The following BEGAIN variants were observed in gnomAD, a reference collection of about 807,000 sequenced individuals.
The protein encoded by BEGAIN is brain enriched guanylate kinase associated, also known as brain-enriched guanylate kinase-associated protein.
In BEGAIN, 19 loss-of-function variants were observed where a neutral mutation model predicts 35.8. The ratio of observed to expected loss-of-function variants is 0.53; its 90% CI spans 0.37 to 0.78. The LOEUF (loss-of-function observed/expected upper bound fraction) is 0.78. Among genes scored for constraint, BEGAIN ranks in the 30% least tolerant of loss-of-function variants. The pLI is 0.00. For missense variants in BEGAIN, 795 were observed against 853.6 expected, an observed-to-expected ratio of 0.93 and a Z score of 0.85; for synonymous variants, 462 against 388.6, an observed-to-expected ratio of 1.19 and a Z score of -2.22.
chr14:100,538,458 G>A lies in BEGAIN; in HGVS notation c.1350C>T (p.Tyr450=). 6.3e-7 allele frequency: 1 copy of A among 1,588,098 alleles called. No individual in the cohort carries two copies. The highest frequency in any genetic ancestry group is 8.6e-7 in the Non-Finnish European group (1 of 1,169,140). ...AGGCGCGGCCGGCAGCGCTCACGGG[G>A]TAGGAGTAGGCGCCGATGTCCTCCA... ...LSVEDIGAYS[Y]PVSAAGRASP... The change falls in exon 7 of 7, where the codon TAC becomes TAT. Residue 450 remains tyrosine (Y), a synonymous_variant. Coordinates refer to ENST00000554140, the MANE Select transcript of BEGAIN (RefSeq NM_001385089.1).
intron 2 of BEGAIN, among the ~76,000 whole-genome samples, chr14:100,555,219 G>A (rs1191609887): frequency 6.6e-6 from 1 of 152,246 alleles, no homozygotes; most frequent in Non-Finnish European, 1.5e-5. Flanking sequence ...CCCTGCAGAA[G>A]GCCTTGTGCC....
chr14:100,567,336 A>G lies in BEGAIN; in HGVS notation c.71+575T>C, dbSNP rs1228676720. Among the ~76,000 whole-genome samples the G allele has an allele frequency of 6.6e-6, 1 of 151,872 alleles. No individual in the cohort carries two copies. The highest frequency in any genetic ancestry group is 1.5e-5 in the Non-Finnish European group (1 of 67,944). On this transcript the variant is annotated intron_variant, in intron 2 of 6. Transcript: ENST00000554140. The surrounding 1 kb of genome is among the most constrained non-coding windows in gnomAD (Gnocchi z 5.1). ...CACCGGGAGGGAGGCCGCGGGGGACACTCCCCAGAAGCTGTCGCGGGATTC... is the reference window on the plus strand; with the variant it reads ...CACCGGGAGGGAGGCCGCGGGGGACGCTCCCCAGAAGCTGTCGCGGGATTC...
chr14:100,540,676 C>A, intron 5 of BEGAIN, 97 bp from the exon 6 acceptor site: 1 of 880,580 alleles, frequency 1.1e-6, no homozygotes, highest in Non-Finnish European at 1.8e-6. Flanking sequence ...GTGGTGTGCA[C>A]AGGGCCTGCT....
At chr14:100,576,423 A>C (rs1190032620) in intron 1 of BEGAIN, among the ~76,000 whole-genome samples, 4 of 152,180 alleles carry the variant, frequency 2.6e-5, no homozygotes, top group African/African-American at 9.7e-5. Context: ...TGGGGGTCAG[A>C]AGCTGAGAAC....
chr14:100,551,532 C>T (rs1052732210), intron 2 of BEGAIN, among the ~76,000 whole-genome samples: 4 of 152,214 alleles, frequency 2.6e-5, no homozygotes, highest in East Asian at 1.9e-4. Flanking sequence ...TAACTGCATA[C>T]GGACAGCCAC....
intron 2 of BEGAIN, among the ~76,000 whole-genome samples, chr14:100,560,915 A>G (rs1197321209): frequency 6.6e-6 from 1 of 152,174 alleles, no homozygotes; most frequent in Non-Finnish European, 1.5e-5. Context: ...GGGATGGAGC[A>G]TGAGGCCTCT....
chr14:100,538,563 G>A lies in BEGAIN; in HGVS notation c.1245C>T (p.Asn415=). 4 of 1,544,288 alleles carry A rather than the reference G, an allele frequency of 2.6e-6. No homozygotes were observed. Among genetic ancestry groups the A allele is most frequent in the Non-Finnish European group, 3.5e-6 (4 of 1,145,218 alleles). ...PGPQQALMPP[N]LWSLRAKPGT... ...CCGGCTTGGCCCGCAGGCTCCACAG[G>A]TTTGGGGGCATCAGGGCCTGCTGGG... is the stretch of plus-strand genomic sequence containing the variant. The change falls in exon 7 of 7, where the codon AAC becomes AAT. Residue 415 remains asparagine, a synonymous_variant. Coordinates refer to ENST00000554140, the MANE Select transcript of BEGAIN (RefSeq NM_001385089.1).
intron 1 of BEGAIN, among the ~76,000 whole-genome samples, chr14:100,579,466 G>A (rs1353891414): frequency 3.9e-5 from 6 of 152,194 alleles, no homozygotes; most frequent in African/African-American, 1.4e-4. Context: ...TCCTTCCTAG[G>A]ATGCGGCTTT....
intron 1 of BEGAIN, among the ~76,000 whole-genome samples, chr14:100,574,663 C>A (rs1047045423): frequency 1.3e-5 from 2 of 152,116 alleles, no homozygotes; most frequent in African/African-American, 2.4e-5. Flanking sequence ...CAACAGTCAG[C>A]GGGGCTGGGA....
chr14:100,563,294 C>T lies in BEGAIN; in HGVS notation c.71+4617G>A, dbSNP rs1402375479. On this transcript the variant is annotated intron_variant, in intron 2 of 6. Coordinates refer to ENST00000554140, the MANE Select transcript of BEGAIN (RefSeq NM_001385089.1). The surrounding 1 kb of genome is among the most constrained non-coding windows in gnomAD (Gnocchi z 4.2). ...CTTGACCTCTAACCACATGCAAACC[C>T]AAGTTCAAGTGGATGAAAAGCCAAT... 6.6e-6 allele frequency among the ~76,000 whole-genome samples: 1 copy of T among 152,208 alleles called. No individual in the cohort carries two copies. Among genetic ancestry groups the T allele is most frequent in the Non-Finnish European group, 1.5e-5 (1 of 68,032 alleles).
In BEGAIN at chr14:100,575,380, C is replaced by T. The variant is rs1478359894; in HGVS notation, c.43-7441G>A. Among the ~76,000 whole-genome samples, 11 of 152,142 alleles carry T rather than the reference C, an allele frequency of 7.2e-5. 1 individual carries two copies. The highest frequency in any genetic ancestry group is 5.9e-4 in the Admixed American group (9 of 15,274). On this transcript the variant is annotated intron_variant, in intron 1 of 6. Coordinates refer to ENST00000554140, the MANE Select transcript of BEGAIN (RefSeq NM_001385089.1). ...ATCTTTATCACCACTATCATCCCGGCGGCTGAATCCCTACCTTGGGCCAGG... is the reference window on the plus strand; with the variant it reads ...ATCTTTATCACCACTATCATCCCGGTGGCTGAATCCCTACCTTGGGCCAGG...
intron 1 of BEGAIN, among the ~76,000 whole-genome samples, chr14:100,578,780 A>C (rs1221281647): frequency 3.9e-5 from 6 of 152,192 alleles, no homozygotes; most frequent in African/African-American, 1.2e-4. Context: ...GGAGGAGCAG[A>C]AAGACAAAAG....
intron 2 of BEGAIN, among the ~76,000 whole-genome samples, chr14:100,550,072 G>A (rs1264644785): frequency 1.3e-5 from 2 of 152,202 alleles, no homozygotes; most frequent in Non-Finnish European, 2.9e-5. Context: ...TGTGTGGTGT[G>A]CGTGTGCGTG....
chr14:100,569,173 A>G (rs540560349), intron 1 of BEGAIN: 60 of 153,596 alleles, frequency 3.9e-4, no homozygotes, highest in African/African-American at 1.2e-3. Context: ...AGGGGGAGGC[A>G]GCTGGACGAG....
At position 100,538,032 on chromosome 14, in the gene BEGAIN, G is replaced by C; in HGVS notation, c.1776C>G (p.Gly592=). ...SPQQAFPRTG[G]SGLSRKDSLT... ...GGCTGTCCTTGCGGCTCAGCCCCGA[G>C]CCACCAGTCCGCGGAAAGGCCTGCT... Residue 592 remains glycine, a synonymous_variant, in exon 7 of 7, where the codon GGC becomes GGG. Coordinates refer to ENST00000554140, the MANE Select transcript of BEGAIN (RefSeq NM_001385089.1). 6.2e-7 allele frequency: 1 copy of C among 1,608,654 alleles called. No homozygotes were observed. The highest frequency in any genetic ancestry group is 2.2e-5 in the East Asian group (1 of 44,788).
chr14:100,553,920 C>T (rs954724506), intron 2 of BEGAIN, among the ~76,000 whole-genome samples: 2 of 152,194 alleles, frequency 1.3e-5, no homozygotes, highest in African/African-American at 4.8e-5. Flanking sequence ...CTTGGTGCAG[C>T]TGATGGAGTT....
intron 1 of BEGAIN, chr14:100,577,510 C>T (rs1257492734): frequency 2.5e-6 from 1 of 399,222 alleles, no homozygotes; most frequent in East Asian, 3.6e-5. Context: ...CTGGGCTAGA[C>T]CTTGGCCTCG....
chr14:100,567,005 G>A lies in BEGAIN; in HGVS notation c.71+906C>T, dbSNP rs916783637. On this transcript the variant is annotated intron_variant, in intron 2 of 6. Coordinates refer to ENST00000554140, the MANE Select transcript of BEGAIN (RefSeq NM_001385089.1). The surrounding 1 kb of genome is among the most constrained non-coding windows in gnomAD (Gnocchi z 5.1). ...GCCCAGGCTGGGCTCTGCTCCTTGG[G>A]GGAGGGATGCTCCTCTACCCGGCCT... is the stretch of plus-strand genomic sequence containing the variant. Among the ~76,000 whole-genome samples, 1 of 152,192 alleles carries A rather than the reference G, an allele frequency of 6.6e-6. No individual in the cohort carries two copies. Among genetic ancestry groups the A allele is most frequent in the Non-Finnish European group, 1.5e-5 (1 of 68,032 alleles).
Position 100,568,738 on chromosome 14 carries a change from G to A in BEGAIN, c.43-799C>T, listed in dbSNP as rs1012551999. Among the ~76,000 whole-genome samples, 7 of 151,798 alleles carry A rather than the reference G, an allele frequency of 4.6e-5. No homozygotes were observed. Among genetic ancestry groups the A allele is most frequent in the African/African-American group, 1.7e-4 (7 of 41,392 alleles). Reference sequence around the variant, plus strand: ...CGCGGGCGAGCGACGGGGACCGCGAGCGGCCCGGGCGGGATCGCACTTCCT... The same window carrying A: ...CGCGGGCGAGCGACGGGGACCGCGAACGGCCCGGGCGGGATCGCACTTCCT... On this transcript the variant is annotated intron_variant, in intron 1 of 6. Transcript: ENST00000554140. This position sits in a 1 kb window ranked among gnomAD's most constrained non-coding sequence, Gnocchi z 7.5.
Sources: gnomAD v4.1 joint callset for allele counts (sites outside exome capture counted in the v4.1 genomes callset) on GRCh38, gnomAD v4.1.1 for gene constraint, Gnocchi (gnomAD v3.1) non-coding constraint, MANE v1.5 for transcripts, NCBI Gene and HGNC (gene_info 2026-07-23, HGNC 2026-07-21) for gene names.